Variants in KCNU1 observed in about 807,000 individuals in gnomAD.
KCNU1 encodes the protein potassium calcium-activated channel subfamily U member 1, also known as potassium channel subfamily U member 1.
Under a neutral mutation model 126.8 loss-of-function variants are expected in KCNU1, and 93 were observed. That is an observed-to-expected ratio of 0.73 (90% CI 0.62 to 0.87). KCNU1 has a LOEUF of 0.87. KCNU1 is among the 40% of genes least tolerant of loss of function. The pLI, the probability that KCNU1 is intolerant of heterozygous loss-of-function variation, is 0.00. For synonymous variants in KCNU1, 523 were observed against 494.2 expected, an observed-to-expected ratio of 1.06 and a Z score of -0.77; for missense variants, 1,330 against 1,367.1, an observed-to-expected ratio of 0.97 and a Z score of 0.43.
intron 14 of KCNU1, among the ~76,000 whole-genome samples, chr8:36,837,772 C>T (rs143178219): frequency 3.3e-5 from 5 of 152,346 alleles, no homozygotes; most frequent in African/African-American, 9.6e-5. Context: ...GCAAGGTGTG[C>T]TAGCCCTTGG....
At chr8:36,905,674 A>T in intron 19 of KCNU1, 34 bp from the exon 20 acceptor site, 1 of 1,123,702 alleles carries the variant, frequency 8.9e-7, no homozygotes, top group Non-Finnish European at 1.4e-6. Context: ...AGCTCCAAAT[A>T]GTCTCAAACT....
chr8:36,918,672 T>C, intron 22 of KCNU1, 151 bp from the exon 23 acceptor site: 1 of 617,558 alleles, frequency 1.6e-6, no homozygotes, highest in Non-Finnish European at 2.9e-6. Context: ...ACATAACAAT[T>C]TTTTGTCTAA....
At chr8:36,863,432 G>T (rs570057901) in intron 18 of KCNU1, among the ~76,000 whole-genome samples, 1 of 152,286 alleles carries the variant, frequency 6.6e-6, no homozygotes, top group East Asian at 1.9e-4. Flanking sequence ...CCTTGATGTA[G>T]TCCACCTCCT....
intron 20 of KCNU1, among the ~76,000 whole-genome samples, chr8:36,907,937 A>G (rs999714666): frequency 6.6e-6 from 1 of 152,202 alleles, no homozygotes; most frequent in African/African-American, 2.4e-5. Flanking sequence ...GTTAAGAAAT[A>G]AACATTTTGA....
chr8:36,828,801 A>G (rs1804419316), intron 10 of KCNU1, among the ~76,000 whole-genome samples: 2 of 152,068 alleles, frequency 1.3e-5, no homozygotes, highest in African/African-American at 2.4e-5. Flanking sequence ...TAATAGTGTC[A>G]AGAATGTGAA....
In KCNU1 at chr8:36,845,592, A is replaced by G; in HGVS notation, c.1716A>G (p.Leu572=). The change falls in exon 17 of 27, where the codon CTA becomes CTG. Residue 572 remains leucine (L), a synonymous_variant. Transcript: ENST00000399881. ...TTTTTGTTTCCAGTGGTCTGATACT[A>G]AATCCACCTCCACAAGTGAGGATAC... is the stretch of plus-strand genomic sequence containing the variant. ...LFTDGFCGLI[L]NPPPQVRIRK... 6.2e-7 allele frequency: 1 copy of G among 1,604,510 alleles called. No individual in the cohort carries two copies. Among genetic ancestry groups the G allele is most frequent in the Non-Finnish European group, 8.5e-7 (1 of 1,171,788 alleles).
intron 8 of KCNU1, among the ~76,000 whole-genome samples, chr8:36,814,813 C>A (rs892857580): frequency 9.9e-5 from 15 of 152,168 alleles, no homozygotes. Flanking sequence ...GCCTGGCTTA[C>A]GAATGTAGCA....
intron 24 of KCNU1, chr8:36,929,144 G>T: frequency 5.2e-6 from 3 of 582,448 alleles, no homozygotes; most frequent in Non-Finnish European, 9.2e-6. Context: ...CACTTTGGGA[G>T]GCCAAGGTAG....
chr8:36,813,290 G>T (rs1291293680), intron 7 of KCNU1, among the ~76,000 whole-genome samples: 1 of 151,884 alleles, frequency 6.6e-6, no homozygotes, highest in Non-Finnish European at 1.5e-5. Flanking sequence ...AAACTGCATG[G>T]TTTCTAATTT....
Position 36,845,856 on chromosome 8 carries a change from T to A in KCNU1, c.1848T>A (p.Ile616=). The part of the protein sequence containing the change: ...CHDDVFIPEL[I]TNCGCKSRSR... ...ATGATGTGTTCATTCCTGAGCTAAT[T>A]ACAAACTGTGGCTGCAAAAGCAGAA... is the stretch of plus-strand genomic sequence containing the variant. Residue 616 remains isoleucine (I), a synonymous_variant, in exon 18 of 27, where the codon ATT becomes ATA. Coordinates refer to ENST00000399881, the MANE Select transcript of KCNU1 (RefSeq NM_001031836.3). 5.0e-6 allele frequency: 8 copies of A among 1,608,954 alleles called. No homozygotes were observed. Among genetic ancestry groups the A allele is most frequent in the Non-Finnish European group, 5.9e-6 (7 of 1,177,224 alleles).
chr8:36,832,583 T>C (rs538842081), intron 10 of KCNU1, among the ~76,000 whole-genome samples: 1 of 152,272 alleles, frequency 6.6e-6, no homozygotes, highest in Admixed American at 6.5e-5. Flanking sequence ...TTGTATCTTC[T>C]TTGTTCAATA....
rs781758175 is a variant in KCNU1, at chr8:36,808,777, C to T, written c.716C>T (p.Ala239Val). 10 of 1,610,232 alleles carry T rather than the reference C, an allele frequency of 6.2e-6. No homozygotes were observed. The highest frequency in any genetic ancestry group is 1.3e-5 in the African/African-American group (1 of 74,830). ...SIILSTWFTA[A>V]GFIHLVENSG... ...ATTCTCAGTACCTGGTTCACAGCTG[C>T]GGGATTCATTCACCTGGTAAGCATC... The change falls in exon 7 of 27, where the codon GCG becomes GTG. Residue 239 changes from alanine to valine, a missense_variant. Physicochemically the swap from Ala to Val is moderately conservative, Grantham distance 64. Coordinates refer to ENST00000399881, the MANE Select transcript of KCNU1 (RefSeq NM_001031836.3).
chr8:36,798,428 T>C (rs2130376519), intron 2 of KCNU1, among the ~76,000 whole-genome samples: 1 of 152,338 alleles, frequency 6.6e-6, no homozygotes, highest in East Asian at 1.9e-4. Context: ...TGCAAAGCTG[T>C]CCTTTGTGGG....
intron 8 of KCNU1, among the ~76,000 whole-genome samples, chr8:36,815,122 G>C (rs1322128786): frequency 6.6e-6 from 1 of 152,102 alleles, no homozygotes; most frequent in Non-Finnish European, 1.5e-5. Context: ...CCTGAGGTCA[G>C]GAGTTCGAGA....
chr8:36,908,422 G>T (rs1807722260), intron 20 of KCNU1, among the ~76,000 whole-genome samples: 1 of 151,954 alleles, frequency 6.6e-6, no homozygotes, highest in African/African-American at 2.4e-5. Context: ...TGCACAATGT[G>T]CAGGTTTGTT....
At chr8:36,844,395 A>AT (rs1805067215) in intron 16 of KCNU1, among the ~76,000 whole-genome samples, 3 of 139,226 alleles carry the variant, frequency 2.2e-5, no homozygotes, top group Non-Finnish European at 3.1e-5. Context: ...AAAAACAAAA[A>AT]AAAAAGGCTA....
At chr8:36,837,755 G>T (rs903484935) in intron 14 of KCNU1, among the ~76,000 whole-genome samples, 1 of 152,118 alleles carries the variant, frequency 6.6e-6, no homozygotes, top group Non-Finnish European at 1.5e-5. Flanking sequence ...TCCATGAAAT[G>T]CTCCAGGCAA....
intron 18 of KCNU1, among the ~76,000 whole-genome samples, chr8:36,851,167 A>G (rs566712839): frequency 6.6e-6 from 1 of 152,174 alleles, no homozygotes; most frequent in African/African-American, 2.4e-5. Flanking sequence ...TAAATTTTGG[A>G]AATATCTTAA....
At chr8:36,935,425 C>A in intron 26 of KCNU1, 90 bp from the exon 27 acceptor site, 1 of 1,024,050 alleles carries the variant, frequency 9.8e-7, no homozygotes, top group Non-Finnish European at 1.5e-6. Flanking sequence ...TCTTTGGGCC[C>A]AGCAAAATGA....
Sources: gnomAD v4.1 joint callset for allele counts (sites outside exome capture counted in the v4.1 genomes callset) on GRCh38, gnomAD v4.1.1 for gene constraint, MANE v1.5 for transcripts, NCBI Gene and HGNC (gene_info 2026-07-23, HGNC 2026-07-21) for gene names.